The following CXADR variants were observed in gnomAD, a reference collection of about 807,000 sequenced individuals.
The protein encoded by CXADR is coxsackievirus and adenovirus receptor.
In CXADR, 20 loss-of-function variants were observed where a neutral mutation model predicts 40.3. The observed-to-expected ratio is 0.50, with a 90% CI of 0.35 to 0.72. CXADR has a LOEUF of 0.72. CXADR is among the 30% of genes least tolerant of loss of function. The pLI is 0.01. For synonymous variants in CXADR, 150 were observed against 161.3 expected, an observed-to-expected ratio of 0.93 and a Z score of 0.53; for missense variants, 332 against 449.1, an observed-to-expected ratio of 0.74 and a Z score of 2.36.
chr21:17,525,608 T>A (rs7280585), intron 1 of CXADR, among the ~76,000 whole-genome samples: 29,768 of 152,236 alleles, frequency 0.2, 4,305 homozygotes, highest in African/African-American at 0.41. Context: ...TTTGACTTTG[T>A]TTTGTGCCAG....
chr21:17,581,626 T>C (rs538425960), intron 7 of CXADR, among the ~76,000 whole-genome samples: 19 of 134,080 alleles, frequency 1.4e-4, no homozygotes, highest in African/African-American at 5.4e-4. Flanking sequence ...GGAGGATCAC[T>C]TGAGGCCAGG....
Position 17,521,548 on chromosome 21 carries a change from C to CCTGA in CXADR, c.43+8378_43+8381dup, listed in dbSNP as rs369105769. On this transcript the variant is annotated intron_variant, in intron 1 of 6. Transcript: ENST00000284878. ...ATGTTGGCCAGGCTGGTCTCGAACTCCTGACCTCAGGTGATCCACCCTCCT... is the reference window on the plus strand; with the variant it reads ...ATGTTGGCCAGGCTGGTCTCGAACTCCTGACTGACCTCAGGTGATCCACCCTCCT... Among the ~76,000 whole-genome samples, 908 of 152,106 alleles carry CCTGA rather than the reference C, an allele frequency of 6.0e-3. 10 individuals are homozygous for CCTGA. The highest frequency in any genetic ancestry group is 0.021 in the African/African-American group (873 of 41,414).
chr21:17,558,081 C>CT (rs11420511), intron 3 of CXADR, among the ~76,000 whole-genome samples: 3,158 of 149,788 alleles, frequency 0.021, 112 homozygotes, highest in African/African-American at 0.074. Context: ...CTCAGATTTC[C>CT]TTTTTTTTTT....
Position 17,568,319 on chromosome 21 carries a change from A to G in CXADR, c.*2627A>G, listed in dbSNP as rs570004745. ...AAGTTTTTGTAATTTTAGTAGAGAC[A>G]GGGTTTCACCGTGTTAGCCAGGATG... On this transcript the variant is annotated 3_prime_UTR_variant, in exon 7 of 7. Coordinates refer to ENST00000284878, the MANE Select transcript of CXADR (RefSeq NM_001338.5). 1.4e-4 allele frequency: 110 copies of G among 800,338 alleles called. No homozygotes were observed. Among genetic ancestry groups the G allele is most frequent in the East Asian group, 2.5e-4 (2 of 7,908 alleles). 49.6% of individuals were successfully genotyped at this position (800,338 alleles called of 1,614,324 possible).
chr21:17,561,815 G>A (rs1425495791), intron 6 of CXADR, among the ~76,000 whole-genome samples: 1 of 152,126 alleles, frequency 6.6e-6, no homozygotes, highest in Non-Finnish European at 1.5e-5. Flanking sequence ...TGACCTGATT[G>A]TATCAAGTAA....
At chr21:17,550,962 A>G (rs2060959521) in intron 2 of CXADR, among the ~76,000 whole-genome samples, 1 of 152,196 alleles carries the variant, frequency 6.6e-6, no homozygotes, top group Admixed American at 6.5e-5. Flanking sequence ...ACTTAGTATT[A>G]AGACCAAACA....
chr21:17,555,528 A>G (rs973657510), intron 3 of CXADR, among the ~76,000 whole-genome samples: 3 of 152,232 alleles, frequency 2.0e-5, no homozygotes, highest in African/African-American at 7.2e-5. Context: ...ATACAATACT[A>G]TTAACTAAAT....
In CXADR at chr21:17,566,515, C is replaced by T; in HGVS notation, c.*823C>T. The stretch of plus-strand genomic sequence containing the variant: ...TGGTGGTCTTCAAAATGGTGGCCAG[C>T]CAGATCAAGGATGTAGTATCTCATA... On this transcript the variant is annotated 3_prime_UTR_variant, in exon 7 of 7. Coordinates refer to ENST00000284878, the MANE Select transcript of CXADR (RefSeq NM_001338.5). The T allele has an allele frequency of 1.0e-6, 1 of 985,210 alleles. No individual in the cohort carries two copies. The highest frequency in any genetic ancestry group is 1.2e-6 in the Non-Finnish European group (1 of 829,818). 61.0% of individuals were successfully genotyped at this position (985,210 alleles called of 1,614,324 possible).
intron 1 of CXADR, among the ~76,000 whole-genome samples, chr21:17,524,736 A>C (rs954140724): frequency 1.3e-5 from 2 of 151,886 alleles, no homozygotes; most frequent in African/African-American, 2.4e-5. Context: ...AAAATACAAA[A>C]ATTAGCCACG....
intron 2 of CXADR, among the ~76,000 whole-genome samples, chr21:17,548,296 T>C (rs941096892): frequency 3.9e-5 from 6 of 152,170 alleles, no homozygotes; most frequent in Non-Finnish European, 7.3e-5. Flanking sequence ...TTGATGTTTA[T>C]GTTAAGGAAA....
intron 3 of CXADR, among the ~76,000 whole-genome samples, chr21:17,555,515 C>T (rs7275980): frequency 0.049 from 7,435 of 152,258 alleles, 587 homozygotes; most frequent in African/African-American, 0.17. Context: ...GAAATTAACA[C>T]TGATACAATA....
chr21:17,542,356 A>G (rs546060231), intron 1 of CXADR, among the ~76,000 whole-genome samples: 2 of 152,342 alleles, frequency 1.3e-5, no homozygotes, highest in East Asian at 3.9e-4. Context: ...TTCTAGAAGA[A>G]TAGCTTCTTC....
intron 7 of CXADR, among the ~76,000 whole-genome samples, chr21:17,586,263 CATTA>C (rs1261560303): frequency 6.6e-6 from 1 of 151,718 alleles, no homozygotes; most frequent in African/African-American, 2.4e-5. Flanking sequence ...TATATAGTGA[CATTA>C]ATTCATTTTC....
chr21:17,593,535 T>C (rs528767000), exon 8 of CXADR: 1 of 178,980 alleles, frequency 5.6e-6, no homozygotes, highest in Non-Finnish European at 1.2e-5. Context: ...AGTTGATTTT[T>C]CAAAGGAAAT....
At chr21:17,583,032 G>A (rs967367288) in intron 7 of CXADR, among the ~76,000 whole-genome samples, 4 of 152,206 alleles carry the variant, frequency 2.6e-5, no homozygotes, top group Non-Finnish European at 5.9e-5. Context: ...ATCAGTGACT[G>A]CAATTTGCAA....
the CXADR span, among the ~76,000 whole-genome samples, chr21:17,618,534 C>A: frequency 1.3e-5 from 2 of 151,850 alleles, no homozygotes; most frequent in African/African-American, 4.8e-5. Context: ...ATTTCTTTTT[C>A]TTTTCTTTTT....
At chr21:17,535,464 T>C (rs2060743363) in intron 1 of CXADR, among the ~76,000 whole-genome samples, 1 of 152,140 alleles carries the variant, frequency 6.6e-6, no homozygotes, top group Admixed American at 6.6e-5. Flanking sequence ...CCTCCGAAAG[T>C]GCTGGGATGG....
At chr21:17,572,977 A>C (rs1186969237), downstream of CXADR, among the ~76,000 whole-genome samples, 1 of 152,184 alleles carries the variant, frequency 6.6e-6, no homozygotes, top group Non-Finnish European at 1.5e-5. Context: ...GTGTGATTGT[A>C]TTAGCTGTAA....
At chr21:17,541,515 G>A (rs550356890) in intron 1 of CXADR, among the ~76,000 whole-genome samples, 21 of 151,880 alleles carry the variant, frequency 1.4e-4, no homozygotes, top group Admixed American at 7.9e-4. Flanking sequence ...CCAAGATCGC[G>A]CCACTACATT....
Sources: allele counts gnomAD v4.1 joint callset (sites outside exome capture counted in the v4.1 genomes callset), GRCh38; gene constraint gnomAD v4.1.1; transcripts MANE v1.5; gene names NCBI Gene and HGNC (gene_info 2026-07-23, HGNC 2026-07-21).